DCDC1: variants seen among roughly 807,000 people sequenced by gnomAD.
DCDC1 encodes doublecortin domain-containing protein 1.
In DCDC1, 200 loss-of-function variants were observed where a neutral mutation model predicts 178.3. That is an observed-to-expected ratio of 1.12 (90% CI 1.00 to 1.26). The LOEUF is 1.26. Among genes scored for constraint, DCDC1 ranks in the 50% most tolerant of loss-of-function variants. DCDC1 has a pLI of 0.00. For synonymous variants in DCDC1, 690 were observed against 604.8 expected (o/e 1.14, Z -2.07); for missense variants, 1,983 against 1,749.2 (o/e 1.13, Z -2.38).
chr11:31,345,930 T>C (rs1397071757), intron 1 of DCDC1, among the ~76,000 whole-genome samples: 2 of 152,134 alleles, frequency 1.3e-5, no homozygotes, highest in African/African-American at 4.8e-5. Flanking sequence ...CATCATGAGA[T>C]GAAAAGACAA....
chr11:31,212,674 G>C (rs138456736), intron 9 of DCDC1, among the ~76,000 whole-genome samples: 1 of 151,940 alleles, frequency 6.6e-6, no homozygotes, highest in Non-Finnish European at 1.5e-5. Flanking sequence ...GCAAGAAAAC[G>C]GTATATTAAT....
chr11:31,265,532 G>T lies in DCDC1; in HGVS notation c.1029C>A (p.Gly343=), dbSNP rs1945093286. Residue 343 remains glycine, a synonymous_variant, in exon 8 of 39, where the codon GGC becomes GGA. Transcript: ENST00000684477. ...LPARYFYDLY[G]RKIEDISKVP... Reference sequence around the variant, plus strand: ...CTTTTGAAATATCTTCAATTTTTCTGCCATACAAATCATAAAAATATCTGG... The same window carrying T: ...CTTTTGAAATATCTTCAATTTTTCTTCCATACAAATCATAAAAATATCTGG... 4 of 1,436,558 alleles carry T rather than the reference G, an allele frequency of 2.8e-6. No homozygotes were observed. Among genetic ancestry groups the T allele is most frequent in the South Asian group, 3.3e-5 (2 of 60,376 alleles). 89.0% of individuals were successfully genotyped at this position (1,436,558 alleles called of 1,614,324 possible).
chr11:31,048,670 G>T (rs1450362604), intron 20 of DCDC1, among the ~76,000 whole-genome samples: 2 of 152,068 alleles, frequency 1.3e-5, no homozygotes, highest in African/African-American at 4.8e-5. Flanking sequence ...TGGCTAACAT[G>T]GTGAAACTCT....
At chr11:31,215,428 C>T (rs1250040337) in intron 9 of DCDC1, among the ~76,000 whole-genome samples, 2 of 152,018 alleles carry the variant, frequency 1.3e-5, no homozygotes, top group Non-Finnish European at 2.9e-5. Flanking sequence ...TTTACAAAAT[C>T]TCCAGTTAAC....
At chr11:31,363,806 T>A (rs1377078734) in intron 1 of DCDC1, among the ~76,000 whole-genome samples, 1 of 152,126 alleles carries the variant, frequency 6.6e-6, no homozygotes, top group Non-Finnish European at 1.5e-5. Context: ...AAATTCAGGA[T>A]TAAAAAACTA....
intron 36 of DCDC1, among the ~76,000 whole-genome samples, chr11:30,886,551 G>C (rs991510381): frequency 6.6e-6 from 1 of 151,896 alleles, no homozygotes; most frequent in East Asian, 1.9e-4. Context: ...TCCTTGTTGT[G>C]TCCTGATATG....
At chr11:30,894,473 T>A in intron 34 of DCDC1, 89 bp from the exon 35 acceptor site, 1 of 1,537,732 alleles carries the variant, frequency 6.5e-7, no homozygotes, top group South Asian at 1.3e-5. Flanking sequence ...GTATAAATCG[T>A]TCCACACAGG....
intron 33 of DCDC1, 23 bp from the exon 34 acceptor site, chr11:30,899,665 T>C: frequency 2.0e-6 from 3 of 1,471,278 alleles, no homozygotes; most frequent in Non-Finnish European, 2.7e-6. Context: ...AAATACAAGA[T>C]ATTTTATCAA....
Position 31,339,688 on chromosome 11 carries a change from A to G in DCDC1, c.-124-4124T>C, listed in dbSNP as rs1565631951. 2.0e-5 allele frequency among the ~76,000 whole-genome samples: 3 copies of G among 152,328 alleles called. No individual in the cohort carries two copies. In the East Asian group the frequency reaches 5.8e-4, roughly 29 times the overall value. On this transcript the variant is annotated intron_variant, in intron 1 of 38. Coordinates refer to ENST00000684477, the MANE Select transcript of DCDC1 (RefSeq NM_001387274.1). ...TAAATATTTATAAAAGAAATATGGG[A>G]AATTGTACTTCAGATGCCAAGAACA...
At chr11:31,042,142 A>C (rs1413842919) in intron 20 of DCDC1, among the ~76,000 whole-genome samples, 1 of 152,206 alleles carries the variant, frequency 6.6e-6, no homozygotes. Flanking sequence ...AATATGAAGC[A>C]TGGGGGTTGG....
At chr11:30,874,058 ACT>A (rs1941893432) in intron 38 of DCDC1, among the ~76,000 whole-genome samples, 1 of 152,180 alleles carries the variant, frequency 6.6e-6, no homozygotes, top group South Asian at 2.1e-4. Context: ...GGCTACTTAG[ACT>A]CAAATACTCA....
intron 7 of DCDC1, 32 bp downstream of exon 7, chr11:31,290,615 A>C (rs1265878172): frequency 6.4e-7 from 1 of 1,561,796 alleles, no homozygotes; most frequent in Non-Finnish European, 8.6e-7. Flanking sequence ...TTTGAAATTA[A>C]ATTCATAGTT....
intron 9 of DCDC1, among the ~76,000 whole-genome samples, chr11:31,199,171 C>T (rs1405876791): frequency 6.6e-6 from 1 of 152,042 alleles, no homozygotes; most frequent in African/African-American, 2.4e-5. Flanking sequence ...TTGGCGCAAT[C>T]AGGGACTAAA....
At chr11:31,274,209 C>T (rs570708188) in intron 7 of DCDC1, among the ~76,000 whole-genome samples, 11 of 152,202 alleles carry the variant, frequency 7.2e-5, no homozygotes, top group Non-Finnish European at 1.3e-4. Context: ...TTCTGCCCCT[C>T]TCTTAAGGCA....
At chr11:30,885,935 A>C (rs1452782857) in intron 36 of DCDC1, among the ~76,000 whole-genome samples, 1 of 152,182 alleles carries the variant, frequency 6.6e-6, no homozygotes, top group Non-Finnish European at 1.5e-5. Context: ...AATTAAGAAC[A>C]ACCAAACTGG....
intron 20 of DCDC1, among the ~76,000 whole-genome samples, chr11:30,993,914 C>A (rs1951113614): frequency 6.6e-6 from 1 of 152,024 alleles, no homozygotes; most frequent in Admixed American, 6.6e-5. Context: ...TATACCAGAA[C>A]ATAGAAGAGG....
At chr11:30,901,136 A>T (rs1944638092) in intron 32 of DCDC1, among the ~76,000 whole-genome samples, 1 of 152,146 alleles carries the variant, frequency 6.6e-6, no homozygotes, top group African/African-American at 2.4e-5. Flanking sequence ...TATAGTGAGA[A>T]ATTCCATAGA....
intron 22 of DCDC1, among the ~76,000 whole-genome samples, chr11:30,931,518 A>C (rs1480893832): frequency 6.6e-6 from 1 of 152,116 alleles, no homozygotes; most frequent in Non-Finnish European, 1.5e-5. Flanking sequence ...CAGAATTTTT[A>C]AAAATAGAAC....
At chr11:31,169,957 G>A (rs1395323388) in intron 9 of DCDC1, among the ~76,000 whole-genome samples, 1 of 152,204 alleles carries the variant, frequency 6.6e-6, no homozygotes, top group Non-Finnish European at 1.5e-5. Context: ...GGAAAATGTG[G>A]GATGCATGTG....
Sources: allele counts gnomAD v4.1 joint callset (sites outside exome capture counted in the v4.1 genomes callset), GRCh38; gene constraint gnomAD v4.1.1; transcripts MANE v1.5; gene names NCBI Gene and HGNC (gene_info 2026-07-23, HGNC 2026-07-21).